KCNN2: variants seen among roughly 807,000 people sequenced by gnomAD.
The protein encoded by KCNN2 is small conductance calcium-activated potassium channel protein 2.
A neutral mutation model predicts 55.5 loss-of-function variants in KCNN2; 24 were observed. The ratio of observed to expected loss-of-function variants is 0.43; its 90% CI spans 0.31 to 0.61. KCNN2 has a LOEUF of 0.61. KCNN2 is among the 20% of genes least tolerant of loss of function. The probability of loss-of-function intolerance (pLI) is 0.08; values close to 1 mark genes in which losing one functional copy is unlikely to be tolerated. For missense variants in KCNN2, 754 were observed against 853.6 expected (o/e 0.88, Z 1.45); for synonymous variants, 431 against 336.1 (o/e 1.28, Z -3.09).
intron 2 of KCNN2, among the ~76,000 whole-genome samples, chr5:114,373,897 T>C (rs1757853307): frequency 6.6e-6 from 1 of 151,402 alleles, no homozygotes; most frequent in African/African-American, 2.4e-5. Flanking sequence ...ATCTAGGGTG[T>C]GTGTGCAAGC....
intron 1 of KCNN2, among the ~76,000 whole-genome samples, chr5:114,177,306 G>T (rs933079005): frequency 2.0e-5 from 3 of 151,804 alleles, no homozygotes; most frequent in African/African-American, 7.3e-5. Flanking sequence ...CCCGGCTAAT[G>T]TTTTGTATTT....
At chr5:114,169,222 G>C (rs1752980332) in intron 1 of KCNN2, among the ~76,000 whole-genome samples, 1 of 152,042 alleles carries the variant, frequency 6.6e-6, no homozygotes, top group Non-Finnish European at 1.5e-5. Context: ...TAGTTCTTTA[G>C]AGTAGTGTTG....
chr5:114,079,861 GAGAGAGAC>G (rs1561466634), intron 1 of KCNN2, among the ~76,000 whole-genome samples: 1 of 149,900 alleles, frequency 6.7e-6, no homozygotes, highest in Non-Finnish European at 1.5e-5. Context: ...GAGAGAGAGA[GAGAGAGAC>G]AGAGAGACAG....
chr5:114,223,047 A>T (rs531837976), intron 2 of KCNN2, among the ~76,000 whole-genome samples: 4 of 149,890 alleles, frequency 2.7e-5, no homozygotes. Context: ...GCATTCATTG[A>T]TTTTCTACAA....
chr5:114,112,666 T>C (rs1580524934), intron 1 of KCNN2, among the ~76,000 whole-genome samples: 1 of 143,188 alleles, frequency 7.0e-6, no homozygotes. Flanking sequence ...AATTTCAAGA[T>C]TGTATTTGTA....
chr5:114,197,644 G>T (rs1040009864), intron 1 of KCNN2, among the ~76,000 whole-genome samples: 2 of 152,164 alleles, frequency 1.3e-5, no homozygotes, highest in Non-Finnish European at 2.9e-5. Context: ...GGTCTCACCT[G>T]CCTGGAATAA....
rs1452509272 is a variant in KCNN2 at position 114,134,458 on chromosome 5, G to GATTGATTTATTT, written c.-271+77961_-271+77962insGATTTATTTATT. Among the ~76,000 whole-genome samples the GATTGATTTATTT allele has an allele frequency of 1.4e-3, 198 of 137,404 alleles. 1 individual carries two copies. The highest frequency in any genetic ancestry group is 4.0e-3 in the African/African-American group (143 of 35,952). 90.1% of individuals were successfully genotyped at this position (137,404 alleles called of 152,430 possible). A position where few individuals can be genotyped will look rare whatever the true frequency, so the allele number is the denominator to read the frequency against. On this transcript the variant is annotated intron_variant, in intron 1 of 10. Transcript: ENST00000512097. ...TACTTTAACTTTGCAATCCAACCATGATTTATTTATTTATTTATTTATTTA... is the reference window on the plus strand; with the variant it reads ...TACTTTAACTTTGCAATCCAACCATGATTGATTTATTTATTTATTTATTTATTTATTTATTTA...
At chr5:114,415,543 T>C (rs1323343370) in intron 3 of KCNN2, among the ~76,000 whole-genome samples, 1 of 152,200 alleles carries the variant, frequency 6.6e-6, no homozygotes, top group Non-Finnish European at 1.5e-5. Context: ...TACAGAAATA[T>C]ATGGTCTTAA....
intron 2 of KCNN2, among the ~76,000 whole-genome samples, chr5:114,381,328 G>A (rs190878273): frequency 3.9e-5 from 6 of 152,120 alleles, no homozygotes; most frequent in Non-Finnish European, 8.8e-5. Flanking sequence ...TCATTGCAGG[G>A]CATTTGTTTC....
intron 1 of KCNN2, among the ~76,000 whole-genome samples, chr5:114,169,316 G>A (rs906724330): frequency 1.3e-5 from 2 of 152,110 alleles, no homozygotes; most frequent in African/African-American, 2.4e-5. Flanking sequence ...TGGCTTGGAA[G>A]ACAAGGCCAA....
chr5:114,294,407 G>C (rs1431578847), intron 2 of KCNN2, among the ~76,000 whole-genome samples: 1 of 151,792 alleles, frequency 6.6e-6, no homozygotes, highest in Admixed American at 6.6e-5. Context: ...TGTTCTCGTT[G>C]GTTTCAAAGA....
chr5:114,070,439 TA>T (rs1314999727), intron 1 of KCNN2, among the ~76,000 whole-genome samples: 2 of 152,220 alleles, frequency 1.3e-5, no homozygotes, highest in African/African-American at 4.8e-5. Context: ...TCCATTGCAT[TA>T]ATGCGCATTA....
chr5:114,211,117 G>A (rs112415147), intron 1 of KCNN2, among the ~76,000 whole-genome samples: 4,803 of 152,214 alleles, frequency 0.032, 221 homozygotes, highest in African/African-American at 0.11. Context: ...TGGTGGGAGT[G>A]TAAATTAGTT....
intron 2 of KCNN2, among the ~76,000 whole-genome samples, chr5:114,263,904 A>G (rs1755159557): frequency 6.6e-6 from 1 of 152,130 alleles, no homozygotes; most frequent in Non-Finnish European, 1.5e-5. Context: ...TCCATGCAGG[A>G]TGCTTATTAA....
chr5:114,158,830 T>C (rs983262138), intron 1 of KCNN2, among the ~76,000 whole-genome samples: 1 of 152,206 alleles, frequency 6.6e-6, no homozygotes, highest in African/African-American at 2.4e-5. Context: ...ATAAGAATGC[T>C]TGTGATTTTT....
At chr5:114,062,222 T>G (rs1016697611) in intron 1 of KCNN2, among the ~76,000 whole-genome samples, 1 of 152,148 alleles carries the variant, frequency 6.6e-6, no homozygotes, top group Non-Finnish European at 1.5e-5. Flanking sequence ...TCTACTTCTG[T>G]GTTTTTATCT....
intron 3 of KCNN2, among the ~76,000 whole-genome samples, chr5:114,437,473 T>C (rs1366840585): frequency 1.3e-5 from 2 of 152,202 alleles, no homozygotes; most frequent in Non-Finnish European, 2.9e-5. Flanking sequence ...AGCTTCTTTT[T>C]GTAGTGAAGA....
intron 1 of KCNN2, among the ~76,000 whole-genome samples, chr5:114,091,337 T>A (rs1413561916): frequency 6.6e-6 from 1 of 152,168 alleles, no homozygotes; most frequent in Non-Finnish European, 1.5e-5. Flanking sequence ...GGGGAACATG[T>A]CCTCTTGCCT....
chr5:114,431,947 T>G (rs1219700143), intron 3 of KCNN2, among the ~76,000 whole-genome samples: 2 of 152,230 alleles, frequency 1.3e-5, no homozygotes, highest in Non-Finnish European at 2.9e-5. Flanking sequence ...GAGCACATAT[T>G]GTATGATTTC....
Sources: gnomAD v4.1 joint callset for allele counts (sites outside exome capture counted in the v4.1 genomes callset) on GRCh38, gnomAD v4.1.1 for gene constraint, MANE v1.5 for transcripts, NCBI Gene and HGNC (gene_info 2026-07-23, HGNC 2026-07-21) for gene names.